SPIDR: variants seen among roughly 807,000 people sequenced by gnomAD.
SPIDR encodes DNA repair-scaffolding protein.
SPIDR carries 93 observed loss-of-function variants against 104.6 expected under a neutral mutation model. The observed-to-expected ratio is 0.89, with a 90% confidence interval of 0.75 to 1.06. The LOEUF is 1.06. Ranked by LOEUF, SPIDR falls within the 50% of genes least tolerant of loss-of-function variation. The pLI is 0.00. For synonymous variants in SPIDR, 431 were observed against 416.9 expected, an observed-to-expected ratio of 1.03 and a Z score of -0.41; for missense variants, 1,154 against 1,111.2, an observed-to-expected ratio of 1.04 and a Z score of -0.55.
At chr8:47,279,441 A>G (rs926751717) in intron 1 of SPIDR, 1 of 157,682 alleles carries the variant, frequency 6.3e-6, no homozygotes, top group Non-Finnish European at 1.4e-5. Flanking sequence ...CTTACGGTAG[A>G]GCCCCTGCTC....
chr8:47,387,228 G>C (rs2060061260), intron 5 of SPIDR, among the ~76,000 whole-genome samples: 1 of 152,212 alleles, frequency 6.6e-6, no homozygotes, highest in African/African-American at 2.4e-5. Context: ...CGAGGAGGCA[G>C]ACAGCTATGA....
chr8:47,660,032 T>C (rs898899924), intron 10 of SPIDR, among the ~76,000 whole-genome samples: 1 of 152,174 alleles, frequency 6.6e-6, no homozygotes, highest in African/African-American at 2.4e-5. Context: ...TTCGTGTAGC[T>C]ATGAAACTGA....
At chr8:47,363,046 T>C (rs73565210) in intron 5 of SPIDR, among the ~76,000 whole-genome samples, 145,183 of 152,104 alleles carry the variant, frequency 0.95, 69,613 homozygotes, top group East Asian at 1. Flanking sequence ...ACAGATGTGT[T>C]GTCTCTACCT....
At chr8:47,685,213 AAAAC>A (rs749170983) in intron 11 of SPIDR, among the ~76,000 whole-genome samples, 10 of 152,322 alleles carry the variant, frequency 6.6e-5, no homozygotes, top group East Asian at 1.9e-4. Flanking sequence ...TCCGTCTCAA[AAAAC>A]AAACAAACAA....
In SPIDR at chr8:47,538,160, G is replaced by C. The variant is rs139286657; in HGVS notation, c.1098-57651G>C. Among the ~76,000 whole-genome samples, 227 of 152,256 alleles carry C rather than the reference G, an allele frequency of 1.5e-3. 5 individuals carry two copies. In the East Asian group the frequency reaches 0.032, roughly 21 times the overall value. ...ACTGTATTCCAGCCTGGGCAATAGA[G>C]CTAGACTCCGTCTCAAAATAAAAAT... is the stretch of plus-strand genomic sequence containing the variant. On this transcript the variant is annotated intron_variant, in intron 8 of 19. Coordinates refer to ENST00000297423, the MANE Select transcript of SPIDR (RefSeq NM_001080394.4).
intron 11 of SPIDR, among the ~76,000 whole-genome samples, chr8:47,693,993 C>T (rs890530168): frequency 8.5e-5 from 13 of 152,318 alleles, no homozygotes; most frequent in African/African-American, 2.6e-4. Flanking sequence ...AGCTCCTTTC[C>T]GGTCCAGAGA....
chr8:47,427,416 A>T (rs933673728), intron 7 of SPIDR, among the ~76,000 whole-genome samples: 1 of 152,104 alleles, frequency 6.6e-6, no homozygotes, highest in Non-Finnish European at 1.5e-5. Context: ...CTCCACCCTG[A>T]ATTTTACTTA....
At chr8:47,411,145 C>T (rs2063473167) in intron 7 of SPIDR, among the ~76,000 whole-genome samples, 1 of 152,182 alleles carries the variant, frequency 6.6e-6, no homozygotes, top group South Asian at 2.1e-4. Flanking sequence ...TTTATAACAG[C>T]ATGATTTATA....
chr8:47,598,955 A>T lies in SPIDR; in HGVS notation c.1303A>T (p.Ser435Cys). 6.2e-7 allele frequency: 1 copy of T among 1,613,854 alleles called. No homozygotes were observed. Among genetic ancestry groups the T allele is most frequent in the Non-Finnish European group, 8.5e-7 (1 of 1,179,954 alleles). The part of the protein sequence containing the change: ...NNSPEIQVVC[S>C]GVATTGTAWT... ...TATGTGTCTTGGCCAGGTTGTGTGT[A>T]GTGGTGTAGCCACTACAGGGACAGC... The change falls in exon 10 of 20, where the codon AGT becomes TGT. Residue 435 changes from serine to cysteine, a missense_variant. Ser to Cys is a moderately radical substitution (Grantham distance 112). Transcript: ENST00000297423.
chr8:47,354,988 T>G (rs1289243018), intron 5 of SPIDR, among the ~76,000 whole-genome samples: 1 of 150,654 alleles, frequency 6.6e-6, no homozygotes, highest in Non-Finnish European at 1.5e-5. Flanking sequence ...GGAGTTTCAC[T>G]TTTGTCACCC....
At chr8:47,341,086 T>C (rs2050669864) in intron 5 of SPIDR, among the ~76,000 whole-genome samples, 1 of 152,190 alleles carries the variant, frequency 6.6e-6, no homozygotes, top group South Asian at 2.1e-4. Context: ...GACTGACATA[T>C]CAGAAGTGAG....
intron 11 of SPIDR, among the ~76,000 whole-genome samples, chr8:47,692,282 C>T (rs990329614): frequency 6.6e-6 from 1 of 152,090 alleles, no homozygotes; most frequent in Non-Finnish European, 1.5e-5. Flanking sequence ...ACATTTTCAT[C>T]ACCTCAGAAA....
At chr8:47,303,818 A>C (rs2154250016) in intron 5 of SPIDR, among the ~76,000 whole-genome samples, 1 of 152,218 alleles carries the variant, frequency 6.6e-6, no homozygotes, top group East Asian at 1.9e-4. Flanking sequence ...CTTGGATTAC[A>C]GGCGCCCGTC....
At chr8:47,298,851 C>T (rs1400795799) in intron 5 of SPIDR, among the ~76,000 whole-genome samples, 1 of 152,192 alleles carries the variant, frequency 6.6e-6, no homozygotes, top group East Asian at 1.9e-4. Flanking sequence ...GTTTTGGTTA[C>T]TGTAGCCTTG....
intron 10 of SPIDR, among the ~76,000 whole-genome samples, chr8:47,640,519 G>A (rs910692420): frequency 1.3e-5 from 2 of 152,212 alleles, no homozygotes; most frequent in East Asian, 1.9e-4. Flanking sequence ...AGAGGGTGGC[G>A]TGAGGAAAAA....
Position 47,633,938 on chromosome 8 carries a change from C to CA in SPIDR, c.1544+34747dup, listed in dbSNP as rs35052035. ...CAAAACCTGATCTCTACCAAAAATA[C>CA]AAAAATGTAGCTGAGTGTGGTGGTG... On this transcript the variant is annotated intron_variant, in intron 10 of 19. Transcript: ENST00000297423. Among the ~76,000 whole-genome samples, 471 of 151,870 alleles carry CA rather than the reference C, an allele frequency of 3.1e-3. 3 individuals carry two copies. Among genetic ancestry groups the CA allele is most frequent in the South Asian group, 0.016 (77 of 4,808 alleles).
chr8:47,418,147 C>A (rs1204666250), intron 7 of SPIDR, among the ~76,000 whole-genome samples: 2 of 151,996 alleles, frequency 1.3e-5, no homozygotes, highest in African/African-American at 2.4e-5. Flanking sequence ...TATTTTTTTC[C>A]AATTCTGTGA....
At chr8:47,623,431 C>T (rs1325592983) in intron 10 of SPIDR, among the ~76,000 whole-genome samples, 4 of 152,174 alleles carry the variant, frequency 2.6e-5, no homozygotes, top group Non-Finnish European at 4.4e-5. Flanking sequence ...AATTAAAAGA[C>T]ACAGACTGGC....
chr8:47,288,676 T>G (rs375050182), intron 3 of SPIDR, among the ~76,000 whole-genome samples: 1 of 152,262 alleles, frequency 6.6e-6, no homozygotes, highest in East Asian at 1.9e-4. Context: ...TATTAGCTAT[T>G]TAGATAGATA....
Sources: gnomAD v4.1 joint callset for allele counts (sites outside exome capture counted in the v4.1 genomes callset) on GRCh38, gnomAD v4.1.1 for gene constraint, MANE v1.5 for transcripts, NCBI Gene and HGNC (gene_info 2026-07-23, HGNC 2026-07-21) for gene names.